Variants in CCSER1 observed in about 807,000 individuals in gnomAD.
The protein encoded by CCSER1 is coiled-coil serine rich protein 1, also known as serine-rich coiled-coil domain-containing protein 1.
In CCSER1, 41 loss-of-function variants were observed where a neutral mutation model predicts 82.0. That is an observed-to-expected ratio of 0.50 (90% CI 0.39 to 0.65). The LOEUF is 0.65. Among genes scored for constraint, CCSER1 ranks in the 30% least tolerant of loss-of-function variants. CCSER1 has a pLI of 0.00. For missense variants in CCSER1, 1,119 were observed against 1,064.2 expected (o/e 1.05, Z -0.72); for synonymous variants, 414 against 383.9 (o/e 1.08, Z -0.92).
chr4:90,180,405 A>G (rs922841603), intron 1 of CCSER1, among the ~76,000 whole-genome samples: 2 of 152,030 alleles, frequency 1.3e-5, no homozygotes, highest in Non-Finnish European at 2.9e-5. Context: ...ACTGGCCAAC[A>G]TGGTGAAACC....
intron 1 of CCSER1, among the ~76,000 whole-genome samples, chr4:90,136,785 A>G (rs747613713): frequency 5.3e-5 from 8 of 152,200 alleles, no homozygotes; most frequent in Non-Finnish European, 1.2e-4. Context: ...CTTCTTGATA[A>G]TAGACAATAT....
intron 4 of CCSER1, among the ~76,000 whole-genome samples, chr4:90,417,214 A>T (rs370036044): frequency 2.3e-4 from 35 of 152,320 alleles, no homozygotes; most frequent in East Asian, 1.5e-3. Context: ...TTAAAGTATA[A>T]TAAATATAAA....
intron 1 of CCSER1, among the ~76,000 whole-genome samples, chr4:90,225,921 G>T (rs908400609): frequency 6.6e-6 from 1 of 152,290 alleles, no homozygotes. Flanking sequence ...CTTGTGACTT[G>T]CTTTGACTAA....
chr4:90,883,741 T>C (rs890843046), intron 8 of CCSER1, among the ~76,000 whole-genome samples: 2 of 152,190 alleles, frequency 1.3e-5, no homozygotes, highest in Non-Finnish European at 2.9e-5. Flanking sequence ...GGCTTCATGC[T>C]GTGGAAGCTA....
At chr4:90,650,714 T>C (rs1286238777) in intron 6 of CCSER1, among the ~76,000 whole-genome samples, 1 of 152,214 alleles carries the variant, frequency 6.6e-6, no homozygotes, top group African/African-American at 2.4e-5. Context: ...TTTTACTGAA[T>C]ACCAATAATT....
intron 8 of CCSER1, among the ~76,000 whole-genome samples, chr4:90,817,090 ATTTTATATAT>A (rs1759123833): frequency 6.6e-6 from 1 of 152,128 alleles, no homozygotes; most frequent in Non-Finnish European, 1.5e-5. Flanking sequence ...TGTAGTGTCA[ATTTTATATAT>A]TACATAATGA....
intron 10 of CCSER1, among the ~76,000 whole-genome samples, chr4:91,170,980 T>C (rs1732687634): frequency 6.6e-6 from 1 of 152,192 alleles, no homozygotes. Flanking sequence ...CCACATGTCC[T>C]CTCCTGATTC....
At chr4:91,507,073 G>A (rs1759534469) in intron 10 of CCSER1, among the ~76,000 whole-genome samples, 1 of 152,034 alleles carries the variant, frequency 6.6e-6, no homozygotes, top group Non-Finnish European at 1.5e-5. Context: ...TTACTATTAT[G>A]AACGAAACTT....
At position 91,013,970 on chromosome 4, in the gene CCSER1, G is replaced by GA. The variant is rs374463469; in HGVS notation, c.2173-71973dup. ...GTTGTTGTTGTTGTTTTGTATTTCT[G>GA]AAAAAAATGCCAAGGGATTTTCATA... On this transcript the variant is annotated intron_variant, in intron 9 of 10. Transcript: ENST00000509176. 6.1e-5 allele frequency among the ~76,000 whole-genome samples: 8 copies of GA among 131,138 alleles called. 2 individuals carry two copies. The highest frequency in any genetic ancestry group is 8.8e-5 in the Non-Finnish European group (5 of 56,676). 86.0% of individuals were successfully genotyped at this position (131,138 alleles called of 152,430 possible).
rs114478847 is a variant in CCSER1, at chr4:90,134,823, A to G, written c.-42+6992A>G. On this transcript the variant is annotated intron_variant, in intron 1 of 10. Transcript: ENST00000509176. ...AACTGTGGATTTAATCAGTGTTCACATATTTGTAGCAAAGGATATATTTAA... is the reference window on the plus strand; with the variant it reads ...AACTGTGGATTTAATCAGTGTTCACGTATTTGTAGCAAAGGATATATTTAA... 2.6e-3 allele frequency among the ~76,000 whole-genome samples: 392 copies of G among 152,352 alleles called. 3 individuals are homozygous for G. The highest frequency in any genetic ancestry group is 8.9e-3 in the African/African-American group (370 of 41,590).
At chr4:91,104,760 G>A (rs972894474) in intron 10 of CCSER1, among the ~76,000 whole-genome samples, 1 of 152,186 alleles carries the variant, frequency 6.6e-6, no homozygotes, top group Non-Finnish European at 1.5e-5. Flanking sequence ...TCCCTTCTTG[G>A]CTTGCAGATG....
intron 6 of CCSER1, among the ~76,000 whole-genome samples, chr4:90,656,369 A>G (rs1034843358): frequency 7.0e-6 from 1 of 143,068 alleles, no homozygotes; most frequent in Admixed American, 6.7e-5. Context: ...TCTTGAAAAT[A>G]TATTATTGGA....
chr4:90,781,109 A>G lies in CCSER1; in HGVS notation c.2011-34653A>G, dbSNP rs528824849. ...CTCACAAGAACTCACTATCCGGAAGACAGCACCCAGCCATGAGGGATCCAC... is the reference window on the plus strand; with the variant it reads ...CTCACAAGAACTCACTATCCGGAAGGCAGCACCCAGCCATGAGGGATCCAC... On this transcript the variant is annotated intron_variant, in intron 7 of 10. Transcript: ENST00000509176. 7.3e-5 allele frequency: 15 copies of G among 204,280 alleles called. No individual in the cohort carries two copies. In the South Asian group the frequency reaches 2.4e-3, roughly 33 times the overall value. 12.7% of individuals were successfully genotyped at this position (204,280 alleles called of 1,614,324 possible). A position where few individuals can be genotyped will look rare whatever the true frequency, so the allele number is the denominator to read the frequency against.
intron 3 of CCSER1, among the ~76,000 whole-genome samples, chr4:90,381,277 G>T (rs143595352): frequency 6.6e-6 from 1 of 152,114 alleles, no homozygotes; most frequent in Non-Finnish European, 1.5e-5. Flanking sequence ...AATTACTTTG[G>T]ATTATTCATT....
At chr4:90,360,762 A>G (rs1014792998) in intron 3 of CCSER1, among the ~76,000 whole-genome samples, 1 of 152,128 alleles carries the variant, frequency 6.6e-6, no homozygotes, top group African/African-American at 2.4e-5. Context: ...ATCATGGTCA[A>G]TATAATGCTT....
chr4:90,974,063 T>C (rs1347710966), intron 9 of CCSER1, among the ~76,000 whole-genome samples: 1 of 151,462 alleles, frequency 6.6e-6, no homozygotes, highest in Non-Finnish European at 1.5e-5. Context: ...CTGGGATACG[T>C]AGGAAATGAT....
chr4:90,359,331 G>T (rs1744889502), intron 3 of CCSER1, among the ~76,000 whole-genome samples: 1 of 152,082 alleles, frequency 6.6e-6, no homozygotes, highest in Non-Finnish European at 1.5e-5. Context: ...GTGTACTTTT[G>T]GAAACCATTT....
chr4:90,303,976 C>G (rs1353660777), intron 1 of CCSER1, among the ~76,000 whole-genome samples: 2 of 152,116 alleles, frequency 1.3e-5, no homozygotes, highest in Non-Finnish European at 2.9e-5. Flanking sequence ...ACAACCCCAT[C>G]AAAAAGTGGG....
chr4:90,909,035 G>A (rs1003931856), intron 8 of CCSER1, among the ~76,000 whole-genome samples: 1 of 151,996 alleles, frequency 6.6e-6, no homozygotes, highest in Non-Finnish European at 1.5e-5. Flanking sequence ...TCCTCTGAGG[G>A]CTCTAGAAAA....
Sources: gnomAD v4.1 joint callset for allele counts (sites outside exome capture counted in the v4.1 genomes callset) on GRCh38, gnomAD v4.1.1 for gene constraint, MANE v1.5 for transcripts, NCBI Gene and HGNC (gene_info 2026-07-23, HGNC 2026-07-21) for gene names.